The following FANCC variants were observed in gnomAD, a reference collection of about 807,000 sequenced individuals.
FANCC encodes the protein Fanconi anemia group C protein.
In FANCC, 55 loss-of-function variants were observed where a neutral mutation model predicts 71.3. The observed-to-expected ratio is 0.77, with a 90% CI of 0.62 to 0.97. FANCC has a LOEUF of 0.97. Ranked by LOEUF, FANCC falls within the 50% of genes least tolerant of loss-of-function variation. The probability of loss-of-function intolerance (pLI) is 0.00; values close to 1 mark genes in which losing one functional copy is unlikely to be tolerated. For missense variants in FANCC, 678 were observed against 670.9 expected (o/e 1.01, Z -0.12); for synonymous variants, 275 against 244.9 (o/e 1.12, Z -1.15).
chr9:95,298,488 G>A (rs892451464), intron 1 of FANCC, among the ~76,000 whole-genome samples: 2 of 152,162 alleles, frequency 1.3e-5, no homozygotes, highest in African/African-American at 4.8e-5. Context: ...TCAACAGAGA[G>A]ACAGTAACTA....
intron 3 of FANCC, among the ~76,000 whole-genome samples, chr9:95,243,788 C>T (rs1299460897): frequency 3.3e-5 from 5 of 151,972 alleles, no homozygotes; most frequent in Admixed American, 2.0e-4. Flanking sequence ...AGCGAGACTC[C>T]ATCTCAAAAA....
In FANCC at chr9:95,250,775, C is replaced by T. The variant is rs139468053; in HGVS notation, c.-78-1406G>A. Among the ~76,000 whole-genome samples the T allele has an allele frequency of 8.3e-4, 127 of 152,348 alleles. 1 individual carries two copies. The highest frequency in any genetic ancestry group is 1.7e-3 in the Non-Finnish European group (113 of 68,024). On this transcript the variant is annotated intron_variant, in intron 1 of 14. Coordinates refer to ENST00000289081, the MANE Select transcript of FANCC (RefSeq NM_000136.3). ...CCTCATTGCCACCCCTCAGCCTAGC[C>T]CTGGAGTGTTGCACTTGTCTACTGC...
chr9:95,221,959 T>C (rs535685425), intron 4 of FANCC, among the ~76,000 whole-genome samples: 2 of 152,172 alleles, frequency 1.3e-5, no homozygotes, highest in Admixed American at 6.5e-5. Context: ...ACACATACTA[T>C]CACACAATCC....
intron 12 of FANCC, among the ~76,000 whole-genome samples, chr9:95,113,263 T>G (rs749503228): frequency 1.3e-5 from 2 of 152,194 alleles, no homozygotes; most frequent in Non-Finnish European, 2.9e-5. Context: ...GAGCTGGACA[T>G]AGGTGTGTCA....
intron 6 of FANCC, among the ~76,000 whole-genome samples, chr9:95,163,496 C>T (rs1830873479): frequency 6.6e-6 from 1 of 152,184 alleles, no homozygotes; most frequent in Admixed American, 6.5e-5. Context: ...ACGCCACTGA[C>T]ATTTTGATAG....
At chr9:95,292,809 A>G in intron 1 of FANCC, 1 of 1,573,864 alleles carries the variant, frequency 6.4e-7, no homozygotes, top group Non-Finnish European at 8.7e-7. Flanking sequence ...CTTTATGAAA[A>G]TCCATGCTGA....
chr9:95,175,319 C>A (rs1031782582), intron 4 of FANCC, among the ~76,000 whole-genome samples: 6 of 152,062 alleles, frequency 3.9e-5, no homozygotes, highest in African/African-American at 9.7e-5. Flanking sequence ...CAACAAAAAA[C>A]CCCCAGTAAT....
intron 4 of FANCC, among the ~76,000 whole-genome samples, chr9:95,214,166 A>G (rs749060394): frequency 3.9e-5 from 6 of 152,194 alleles, no homozygotes; most frequent in Non-Finnish European, 8.8e-5. Context: ...GGTGGCTCAC[A>G]CTGGTAACCC....
At chr9:95,235,441 A>G (rs1020377568) in intron 4 of FANCC, among the ~76,000 whole-genome samples, 4 of 152,270 alleles carry the variant, frequency 2.6e-5, no homozygotes, top group South Asian at 2.1e-4. Context: ...ACACCACACC[A>G]TAAGTTACAG....
rs1834216757 is a variant in FANCC, at chr9:95,293,907, A to G, written c.-79+23619T>C. The G allele has an allele frequency of 8.8e-6, 14 of 1,597,456 alleles. No homozygotes were observed. The East Asian group carries it at 2.0e-4, about 23-fold the overall frequency. ...CAGAGACATTTTTGAGTGTTCATTC[A>G]TCATATAATGTTGCTACAAGTAACA... On this transcript the variant is annotated intron_variant, in intron 1 of 14. Transcript: ENST00000289081.
At chr9:95,228,990 CA>C (rs1466707946) in intron 4 of FANCC, among the ~76,000 whole-genome samples, 3 of 152,140 alleles carry the variant, frequency 2.0e-5, no homozygotes, top group Admixed American at 1.3e-4. Context: ...GGCTCCTGAA[CA>C]GAGACACTTA....
chr9:95,268,388 CA>C (rs1231825847), intron 1 of FANCC, among the ~76,000 whole-genome samples: 1 of 152,184 alleles, frequency 6.6e-6, no homozygotes, highest in Non-Finnish European at 1.5e-5. Flanking sequence ...GGGCTCCTGC[CA>C]AAAGGGTCTG....
intron 7 of FANCC, among the ~76,000 whole-genome samples, chr9:95,137,253 C>G (rs933071143): frequency 2.6e-5 from 4 of 152,124 alleles, no homozygotes; most frequent in African/African-American, 9.7e-5. Flanking sequence ...AGAGGTTTCA[C>G]TTTTTCTGCT....
At chr9:95,261,684 T>C (rs1454643869) in intron 1 of FANCC, among the ~76,000 whole-genome samples, 1 of 152,198 alleles carries the variant, frequency 6.6e-6, no homozygotes, top group African/African-American at 2.4e-5. Context: ...ACAGAAGCTG[T>C]TAGATCCCTC....
intron 7 of FANCC, 148 bp from the exon 8 acceptor site, chr9:95,135,650 A>T: frequency 1.5e-6 from 1 of 673,934 alleles, no homozygotes; most frequent in Non-Finnish European, 2.6e-6. Flanking sequence ...AGAATCAGTG[A>T]ATATTTACCA....
At chr9:95,236,091 G>A (rs931857676) in intron 4 of FANCC, among the ~76,000 whole-genome samples, 2 of 152,064 alleles carry the variant, frequency 1.3e-5, no homozygotes, top group South Asian at 2.1e-4. Context: ...ATTGCATTTC[G>A]AAAGAAAATA....
At chr9:95,308,746 C>T (rs1043071565) in intron 1 of FANCC, among the ~76,000 whole-genome samples, 12 of 152,184 alleles carry the variant, frequency 7.9e-5, no homozygotes, top group Non-Finnish European at 1.3e-4. Flanking sequence ...GGGTACAGCA[C>T]ACACGTGTAG....
chr9:95,239,024 C>T (rs1195369486), intron 4 of FANCC, among the ~76,000 whole-genome samples: 1 of 152,182 alleles, frequency 6.6e-6, no homozygotes, highest in Non-Finnish European at 1.5e-5. Flanking sequence ...CCCACAGTTC[C>T]CTGAATACGT....
In FANCC at chr9:95,243,468, T is replaced by C. The variant is rs185794751; in HGVS notation, c.251-2725A>G. ...GACTTACTTTTTTCCATGATGAAAA[T>C]TGTTTGCTTTTACTGTAATTAAAAA... is the stretch of plus-strand genomic sequence containing the variant. On this transcript the variant is annotated intron_variant, in intron 3 of 14. Coordinates refer to ENST00000289081, the MANE Select transcript of FANCC (RefSeq NM_000136.3). Among the ~76,000 whole-genome samples the C allele has an allele frequency of 2.2e-4, 34 of 152,202 alleles. No individual in the cohort carries two copies. In the East Asian group the frequency reaches 6.0e-3, roughly 27 times the overall value.
Sources: allele counts gnomAD v4.1 joint callset (sites outside exome capture counted in the v4.1 genomes callset), GRCh38; gene constraint gnomAD v4.1.1; transcripts MANE v1.5; gene names NCBI Gene and HGNC (gene_info 2026-07-23, HGNC 2026-07-21).